OVCH1: variants seen among roughly 807,000 people sequenced by gnomAD.
OVCH1 encodes ovochymase-1.
A neutral mutation model predicts 138.4 loss-of-function variants in OVCH1; 139 were observed. That is an observed-to-expected ratio of 1.00 (90% CI 0.87 to 1.16). The LOEUF (loss-of-function observed/expected upper bound fraction) is 1.16, where lower values mean the gene tolerates loss of function less well. Among genes scored for constraint, OVCH1 ranks in the 50% most tolerant of loss-of-function variants. OVCH1 has a pLI of 0.00. For missense variants in OVCH1, 1,367 were observed against 1,357.9 expected, an observed-to-expected ratio of 1.01 and a Z score of -0.11; for synonymous variants, 453 against 467.8, an observed-to-expected ratio of 0.97 and a Z score of 0.41.
chr12:29,479,586 T>G (rs1448472268), intron 8 of OVCH1, among the ~76,000 whole-genome samples: 4 of 152,228 alleles, frequency 2.6e-5, no homozygotes, highest in Admixed American at 2.6e-4. Flanking sequence ...AATCCTAGCT[T>G]CTTCCATGTC....
intron 26 of OVCH1, among the ~76,000 whole-genome samples, chr12:29,437,615 T>C (rs1008373646): frequency 6.6e-6 from 1 of 152,146 alleles, no homozygotes; most frequent in Non-Finnish European, 1.5e-5. Flanking sequence ...TCCTAAGAAC[T>C]AGTATGCTTT....
At chr12:29,490,424 G>C (rs1222116730) in intron 5 of OVCH1, among the ~76,000 whole-genome samples, 1 of 152,074 alleles carries the variant, frequency 6.6e-6, no homozygotes, top group Non-Finnish European at 1.5e-5. Flanking sequence ...TTGTTGTCAA[G>C]CTTTAGGTAT....
intron 13 of OVCH1, among the ~76,000 whole-genome samples, chr12:29,475,914 A>T (rs772115576): frequency 8.5e-5 from 13 of 152,234 alleles, no homozygotes; most frequent in Non-Finnish European, 1.9e-4. Flanking sequence ...TACAGAAAGC[A>T]GGAAGCTGTA....
At chr12:29,431,836 A>G (rs189312590) in intron 27 of OVCH1, among the ~76,000 whole-genome samples, 1 of 152,324 alleles carries the variant, frequency 6.6e-6, no homozygotes. Flanking sequence ...ATATGTAATA[A>G]GAGTCTCTTA....
chr12:29,428,886 C>T (rs976670967), intron 27 of OVCH1, among the ~76,000 whole-genome samples: 4 of 152,198 alleles, frequency 2.6e-5, no homozygotes, highest in Non-Finnish European at 5.9e-5. Flanking sequence ...GAGTCAGTCT[C>T]ATGATGGAAT....
At chr12:29,408,384 C>T (rs1243336123), downstream of OVCH1, among the ~76,000 whole-genome samples, 7 of 110,438 alleles carry the variant, frequency 6.3e-5, 1 homozygote, top group African/African-American at 1.9e-4. Flanking sequence ...CTGTCTTGTG[C>T]CAGTTTTCAA....
chr12:29,412,991 A>G (rs1218980898), intron 3 of OVCH1, among the ~76,000 whole-genome samples: 1 of 149,336 alleles, frequency 6.7e-6, no homozygotes, highest in Admixed American at 6.8e-5. Context: ...CTAGTATAAT[A>G]CTACTGGCAT....
In OVCH1 at chr12:29,477,005, A is replaced by G. The variant is rs536498009; in HGVS notation, c.1377+97T>C. 1.4e-4 allele frequency: 183 copies of G among 1,336,746 alleles called. 2 individuals are homozygous for G. The South Asian group carries it at 2.3e-3, about 17-fold the overall frequency. 82.8% of individuals were successfully genotyped at this position (1,336,746 alleles called of 1,614,324 possible). On this transcript the variant is annotated intron_variant, in intron 12 of 27. Transcript: ENST00000318184. The stretch of plus-strand genomic sequence containing the variant: ...TGGCAAATGGCTAAAAGAAGCTCCT[A>G]GTCATAATGGCAATTTAACAATCCA...
At chr12:29,445,345 C>T (rs1263739305) in exon 23 of OVCH1, 3 of 1,611,414 alleles carry the variant, frequency 1.9e-6, no homozygotes, top group African/African-American at 2.7e-5. Flanking sequence ...ATGTCACCCT[C>T]ACCAGCGGTC....
At chr12:29,477,042 T>C (rs1942760293) in intron 12 of OVCH1, 60 bp downstream of exon 12, 1 of 1,457,476 alleles carries the variant, frequency 6.9e-7, no homozygotes, top group Non-Finnish European at 9.1e-7. Context: ...ATGAATTAAG[T>C]TCTGCCTAAC....
intron 19 of OVCH1, among the ~76,000 whole-genome samples, chr12:29,457,473 G>A (rs994530763): frequency 8.0e-6 from 1 of 124,958 alleles, no homozygotes; most frequent in Non-Finnish European, 1.6e-5. Flanking sequence ...GTGTGATCTC[G>A]GCTCACTGCA....
intron 4 of OVCH1, among the ~76,000 whole-genome samples, chr12:29,491,405 G>A (rs1943269325): frequency 6.6e-6 from 1 of 152,074 alleles, no homozygotes; most frequent in African/African-American, 2.4e-5. Flanking sequence ...TAAACATAAG[G>A]CCAATTGTTC....
chr12:29,477,628 G>C (rs1942787863), intron 9 of OVCH1, 150 bp from the exon 11 acceptor site: 4 of 1,595,164 alleles, frequency 2.5e-6, no homozygotes, highest in Non-Finnish European at 3.4e-6. Context: ...AACATTCCCT[G>C]CTTCAGTGAC....
chr12:29,462,765 C>T (rs1172105954), intron 18 of OVCH1, among the ~76,000 whole-genome samples: 1 of 152,108 alleles, frequency 6.6e-6, no homozygotes, highest in Non-Finnish European at 1.5e-5. Context: ...GTTAATCACA[C>T]TGATCTCACA....
At chr12:29,486,721 A>T (rs561235421) in intron 7 of OVCH1, among the ~76,000 whole-genome samples, 9 of 152,358 alleles carry the variant, frequency 5.9e-5, no homozygotes, top group African/African-American at 1.9e-4. Context: ...GAAGCTTAGA[A>T]GATTATCCTA....
At chr12:29,461,666 C>T (rs928259216) in intron 19 of OVCH1, 188 bp downstream of exon 19, 2 of 763,128 alleles carry the variant, frequency 2.6e-6, no homozygotes, top group African/African-American at 3.4e-5. Flanking sequence ...TCCGGCCACT[C>T]TCTGACATCT....
intron 26 of OVCH1, among the ~76,000 whole-genome samples, chr12:29,435,519 T>C (rs1218111989): frequency 1.3e-5 from 2 of 151,966 alleles, no homozygotes; most frequent in Non-Finnish European, 1.5e-5. Context: ...GGCGCCCGCC[T>C]AATTTTTTGT....
At chr12:29,448,384 T>C (rs1941676840) in intron 22 of OVCH1, among the ~76,000 whole-genome samples, 1 of 151,596 alleles carries the variant, frequency 6.6e-6, no homozygotes, top group South Asian at 2.1e-4. Flanking sequence ...AACTGAGAAG[T>C]CTGGAGGCAG....
chr12:29,487,560 T>C, intron 7 of OVCH1, 133 bp downstream of exon 7: 2 of 829,484 alleles, frequency 2.4e-6, no homozygotes, highest in Non-Finnish European at 1.8e-6. Flanking sequence ...GAGACAAGTA[T>C]CTACACTGGA....
Sources: allele counts gnomAD v4.1 joint callset (sites outside exome capture counted in the v4.1 genomes callset), GRCh38; gene constraint gnomAD v4.1.1; transcripts MANE v1.5; gene names NCBI Gene and HGNC (gene_info 2026-07-23, HGNC 2026-07-21).